Variants in SNTG1 observed in about 807,000 individuals in gnomAD.
SNTG1 encodes the protein gamma-1-syntrophin.
A neutral mutation model predicts 74.7 loss-of-function variants in SNTG1; 39 were observed. That is an observed-to-expected ratio of 0.52 (90% CI 0.40 to 0.68). SNTG1 has a LOEUF of 0.68. Ranked by LOEUF, SNTG1 falls within the 30% of genes least tolerant of loss-of-function variation. The probability of loss-of-function intolerance (pLI) is 0.00; values close to 1 mark genes in which losing one functional copy is unlikely to be tolerated. For synonymous variants in SNTG1, 254 were observed against 217.1 expected (o/e 1.17, Z -1.49); for missense variants, 685 against 609.5 (o/e 1.12, Z -1.30).
chr8:50,155,287 G>C (rs2082218095), intron 1 of SNTG1, among the ~76,000 whole-genome samples: 1 of 152,116 alleles, frequency 6.6e-6, no homozygotes, highest in Non-Finnish European at 1.5e-5. Flanking sequence ...TGATCAGTTG[G>C]TTTTCATCTA....
At position 50,634,194 on chromosome 8, in the gene SNTG1, A is replaced by G. The variant is rs190433087; in HGVS notation, c.850-22715A>G. On this transcript the variant is annotated intron_variant, in intron 13 of 18. Transcript: ENST00000642720. ...ATGTTGTCAATATACCCCTAAATAA[A>G]CCTCATTATATTTTTACTGACATTT... Among the ~76,000 whole-genome samples, 810 of 152,050 alleles carry G rather than the reference A, an allele frequency of 5.3e-3. 7 individuals are homozygous for G. Among genetic ancestry groups the G allele is most frequent in the Middle Eastern group, 0.024 (7 of 294 alleles).
At chr8:50,015,892 C>A (rs1816262481) in intron 1 of SNTG1, among the ~76,000 whole-genome samples, 1 of 152,182 alleles carries the variant, frequency 6.6e-6, no homozygotes, top group Admixed American at 6.6e-5. Flanking sequence ...GTGAATATGG[C>A]AGATGAAGCA....
chr8:50,013,281 A>C (rs1815989182), intron 1 of SNTG1, among the ~76,000 whole-genome samples: 1 of 152,114 alleles, frequency 6.6e-6, no homozygotes, highest in Non-Finnish European at 1.5e-5. Flanking sequence ...ATTAAGAAGG[A>C]TATCTTAAAA....
chr8:50,275,885 G>T (rs908475340), intron 2 of SNTG1, among the ~76,000 whole-genome samples: 6 of 152,160 alleles, frequency 3.9e-5, no homozygotes, highest in Admixed American at 1.3e-4. Context: ...TCTAAGAAAA[G>T]ATAACTTGTT....
At chr8:50,081,869 G>C (rs1415637004) in intron 1 of SNTG1, among the ~76,000 whole-genome samples, 4 of 152,168 alleles carry the variant, frequency 2.6e-5, no homozygotes, top group Non-Finnish European at 1.5e-5. Context: ...TTGACCTCGA[G>C]ATCCACTCAC....
chr8:50,491,900 C>T (rs1265777465), intron 8 of SNTG1, among the ~76,000 whole-genome samples: 4 of 151,242 alleles, frequency 2.6e-5, no homozygotes, highest in East Asian at 2.0e-4. Flanking sequence ...CCCTACCACC[C>T]GCAGGCCCCA....
intron 1 of SNTG1, among the ~76,000 whole-genome samples, chr8:49,982,461 T>G (rs1812767476): frequency 6.6e-6 from 1 of 152,088 alleles, no homozygotes; most frequent in African/African-American, 2.4e-5. Flanking sequence ...AATCCATAAC[T>G]ATATATATTC....
At chr8:50,687,563 G>A (rs2095358052) in intron 15 of SNTG1, among the ~76,000 whole-genome samples, 1 of 152,050 alleles carries the variant, frequency 6.6e-6, no homozygotes, top group Admixed American at 6.6e-5. Context: ...TAGTGATAAA[G>A]GGATACGTTC....
At chr8:50,168,480 G>A (rs781301198) in intron 1 of SNTG1, among the ~76,000 whole-genome samples, 132 of 151,976 alleles carry the variant, frequency 8.7e-4, no homozygotes, top group Non-Finnish European at 1.7e-3. Flanking sequence ...ATTATAAGAT[G>A]CATTTTTCTT....
rs566717417 is a variant in SNTG1, at chr8:49,962,166, G to A, written c.-103+49935G>A. Among the ~76,000 whole-genome samples the A allele has an allele frequency of 7.9e-5, 12 of 152,084 alleles. No homozygotes were observed. In the South Asian group the frequency reaches 1.2e-3, roughly 16 times the overall value. Reference sequence around the variant, plus strand: ...AGAGGTGTAGGGTGGGGAGAGCACAGGTGACTGTCTGACCATAAGATGAGC... The same window carrying A: ...AGAGGTGTAGGGTGGGGAGAGCACAAGTGACTGTCTGACCATAAGATGAGC... On this transcript the variant is annotated intron_variant, in intron 1 of 18. Transcript: ENST00000642720.
chr8:50,450,845 T>C, intron 8 of SNTG1, 116 bp downstream of exon 8: 3 of 1,045,282 alleles, frequency 2.9e-6, no homozygotes, highest in African/African-American at 1.6e-5. Context: ...TCCAGTTTGA[T>C]ATCAAATTTT....
chr8:50,707,980 A>C (rs2095449272), intron 16 of SNTG1: 1 of 369,158 alleles, frequency 2.7e-6, no homozygotes, highest in Non-Finnish European at 4.8e-6. Flanking sequence ...AGGCGGGTGG[A>C]TCACGAGGTC....
intron 9 of SNTG1, among the ~76,000 whole-genome samples, chr8:50,503,429 T>C (rs987502022): frequency 6.6e-6 from 1 of 152,210 alleles, no homozygotes; most frequent in Non-Finnish European, 1.5e-5. Context: ...TGAGACATAA[T>C]TTGTATGCAA....
At chr8:50,629,775 A>G (rs1051448483) in intron 13 of SNTG1, among the ~76,000 whole-genome samples, 52 of 152,158 alleles carry the variant, frequency 3.4e-4, no homozygotes, top group Non-Finnish European at 6.9e-4. Flanking sequence ...ACCTCTGTTC[A>G]TGTAAACTAT....
At chr8:50,366,797 T>C (rs990928261) in intron 2 of SNTG1, among the ~76,000 whole-genome samples, 6 of 145,624 alleles carry the variant, frequency 4.1e-5, no homozygotes, top group Admixed American at 2.8e-4. Context: ...GATATAATAC[T>C]ATAATAAAAT....
intron 12 of SNTG1, among the ~76,000 whole-genome samples, chr8:50,563,516 T>G (rs2094499560): frequency 6.6e-6 from 1 of 152,144 alleles, no homozygotes; most frequent in Non-Finnish European, 1.5e-5. Context: ...TTTCTGGGTG[T>G]AGTTCCTTTT....
At chr8:50,153,437 G>C (rs954929655) in intron 1 of SNTG1, among the ~76,000 whole-genome samples, 3 of 152,192 alleles carry the variant, frequency 2.0e-5, no homozygotes, top group Non-Finnish European at 1.5e-5. Flanking sequence ...TTGTTCCACT[G>C]CTGGCGAGGA....
chr8:50,234,243 A>G (rs930147727), intron 2 of SNTG1, among the ~76,000 whole-genome samples: 8 of 151,968 alleles, frequency 5.3e-5, no homozygotes, highest in Admixed American at 4.6e-4. Context: ...CTAATGATAT[A>G]TACCAAAGCT....
chr8:50,236,636 G>C (rs985282492), intron 2 of SNTG1, among the ~76,000 whole-genome samples: 1 of 151,880 alleles, frequency 6.6e-6, no homozygotes, highest in Non-Finnish European at 1.5e-5. Context: ...GTTTTTAGTA[G>C]AGACGGGGTT....
Sources: gnomAD v4.1 joint callset for allele counts (sites outside exome capture counted in the v4.1 genomes callset) on GRCh38, gnomAD v4.1.1 for gene constraint, MANE v1.5 for transcripts, NCBI Gene and HGNC (gene_info 2026-07-23, HGNC 2026-07-21) for gene names.